The following YES1 variants were observed in gnomAD, a reference collection of about 807,000 sequenced individuals.
YES1 encodes tyrosine-protein kinase Yes.
Under a neutral mutation model 70.4 loss-of-function variants are expected in YES1, and 39 were observed. The observed-to-expected ratio is 0.55, with a 90% CI of 0.43 to 0.72. YES1 has a LOEUF of 0.72. Among genes scored for constraint, YES1 ranks in the 30% least tolerant of loss-of-function variants. The pLI is 0.00. For missense variants in YES1, 495 were observed against 644.8 expected (o/e 0.77, Z 2.52); for synonymous variants, 198 against 218.6 (o/e 0.91, Z 0.83).
At chr18:787,775 A>T (rs1487195592) in intron 1 of YES1, 2 of 152,216 alleles carry the variant, frequency 1.3e-5, no homozygotes. Flanking sequence ...GACCTGACCC[A>T]AATGATAAAT....
At chr18:733,227 G>A (rs1410655048) in intron 10 of YES1, among the ~76,000 whole-genome samples, 1 of 152,164 alleles carries the variant, frequency 6.6e-6, no homozygotes, top group African/African-American at 2.4e-5. Flanking sequence ...AGAAAATAGA[G>A]GTTGAAGCTC....
At chr18:732,718 G>T in intron 11 of YES1, 116 bp downstream of exon 11, 1 of 1,336,364 alleles carries the variant, frequency 7.5e-7, no homozygotes, top group Non-Finnish European at 1.1e-6. Context: ...GAGAGGGAGA[G>T]GCAGGGGGAC....
At position 741,804 on chromosome 18, in the gene YES1, AC is replaced by A. The variant is rs1480056347; in HGVS notation, c.1060+1113del. ...GAGTGAGGCCCCACCTCACAAAAAA[AC>A]AAAAACAACAAACAAACAAGCAAAC... On this transcript the variant is annotated intron_variant, in intron 8 of 11. Transcript: ENST00000314574. Among the ~76,000 whole-genome samples the A allele has an allele frequency of 1.1e-4, 17 of 152,302 alleles. 1 individual carries two copies. The highest frequency in any genetic ancestry group is 1.0e-3 in the South Asian group (5 of 4,822).
chr18:747,670 T>G, intron 4 of YES1, among the ~76,000 whole-genome samples: 1 of 152,108 alleles, frequency 6.6e-6, no homozygotes, highest in East Asian at 1.9e-4. Context: ...GATACATATT[T>G]AAGTGAAAAC....
chr18:794,963 G>A (rs567032364), intron 1 of YES1, among the ~76,000 whole-genome samples: 3 of 152,084 alleles, frequency 2.0e-5, no homozygotes, highest in South Asian at 2.1e-4. Context: ...CTACAGGCGC[G>A]TGCCACCATG....
intron 1 of YES1, among the ~76,000 whole-genome samples, chr18:769,436 T>C (rs1231084806): frequency 6.6e-6 from 1 of 152,206 alleles, no homozygotes; most frequent in Non-Finnish European, 1.5e-5. Flanking sequence ...CCTTATTCAC[T>C]GACTAGTACC....
At chr18:761,579 C>T (rs1904597208) in intron 1 of YES1, among the ~76,000 whole-genome samples, 1 of 152,182 alleles carries the variant, frequency 6.6e-6, no homozygotes, top group African/African-American at 2.4e-5. Context: ...CCTCTTCCCT[C>T]AAAAGTCACA....
chr18:787,680 A>G (rs1258275780), intron 1 of YES1, among the ~76,000 whole-genome samples: 1 of 152,002 alleles, frequency 6.6e-6, no homozygotes, highest in African/African-American at 2.4e-5. Context: ...ACTGCACTTC[A>G]GCCTGGGCAA....
chr18:748,217 C>A (rs1246414997), intron 3 of YES1, among the ~76,000 whole-genome samples, 199 bp from the exon 4 acceptor site: 3 of 152,192 alleles, frequency 2.0e-5, no homozygotes, highest in Non-Finnish European at 4.4e-5. Flanking sequence ...CAATTGCATA[C>A]TTCTGCTCCA....
intron 11 of YES1, among the ~76,000 whole-genome samples, chr18:727,288 T>A (rs2080032250): frequency 1.3e-5 from 2 of 152,184 alleles, no homozygotes; most frequent in Non-Finnish European, 2.9e-5. Context: ...CTAGGCTTTC[T>A]TCAGTTAGGA....
At chr18:777,697 C>T (rs1208316674) in intron 1 of YES1, among the ~76,000 whole-genome samples, 2 of 151,156 alleles carry the variant, frequency 1.3e-5, no homozygotes, top group Non-Finnish European at 2.9e-5. Context: ...ATCCCAGCTA[C>T]TTGGGAGGCT....
In YES1 at chr18:723,652, T is replaced by C. The variant is rs2079985196; in HGVS notation, c.*772A>G. On this transcript the variant is annotated 3_prime_UTR_variant, in exon 12 of 12. Transcript: ENST00000314574. ...ATTGGACAGTAGTTTCAATTATATA[T>C]TGCCTTAAAAAATCAATGCAACCTC... 6.6e-6 allele frequency: 1 copy of C among 152,648 alleles called. No homozygotes were observed. The highest frequency in any genetic ancestry group is 2.4e-5 in the African/African-American group (1 of 41,474). The allele number at this position is 152,648 out of a possible 1,614,324, so 9.5% of individuals were successfully genotyped here. A position where few individuals can be genotyped will look rare whatever the true frequency, so the allele number is the denominator to read the frequency against.
At position 743,387 on chromosome 18, in the gene YES1, C is replaced by T. The variant is rs897513561; in HGVS notation, c.753G>A (p.Leu251=). 1 of 1,612,810 alleles carries T rather than the reference C, an allele frequency of 6.2e-7. No individual in the cohort carries two copies. The highest frequency in any genetic ancestry group is 1.1e-5 in the South Asian group (1 of 90,988). ...GTTTCACAGTTGGACACACAGTTGT[C>T]AACTTGTGGCATAAACCATCAGCAT... ...TEHADGLCHK[L]TTVCPTVKPQ... The change falls in exon 7 of 12, where the codon TTG becomes TTA. Residue 251 remains leucine, a synonymous_variant. Coordinates refer to ENST00000314574, the MANE Select transcript of YES1 (RefSeq NM_005433.4).
intron 1 of YES1, among the ~76,000 whole-genome samples, chr18:765,228 G>A (rs1157678232): frequency 4.9e-5 from 6 of 122,414 alleles, no homozygotes; most frequent in Non-Finnish European, 1.0e-4. Flanking sequence ...ACACTGGACA[G>A]GTTTGGGAAA....
chr18:727,654 G>T (rs8090148), intron 11 of YES1, among the ~76,000 whole-genome samples: 88,081 of 151,972 alleles, frequency 0.58, 25,577 homozygotes, highest in East Asian at 0.71. Flanking sequence ...TTTATTGTAT[G>T]TTACTCAAAA....
At chr18:728,787 G>A (rs1253198550) in intron 11 of YES1, among the ~76,000 whole-genome samples, 1 of 152,218 alleles carries the variant, frequency 6.6e-6, no homozygotes, top group Non-Finnish European at 1.5e-5. Context: ...ACCTCCCAAA[G>A]TACTGGGATT....
At chr18:803,411 TAAAA>T (rs767829767) in intron 1 of YES1, among the ~76,000 whole-genome samples, 1 of 152,040 alleles carries the variant, frequency 6.6e-6, no homozygotes, top group African/African-American at 2.4e-5. Flanking sequence ...GGGTGGGAAA[TAAAA>T]AAAGCACAGA....
intron 3 of YES1, among the ~76,000 whole-genome samples, chr18:749,616 G>A (rs533464184): frequency 1.6e-4 from 25 of 152,262 alleles, no homozygotes; most frequent in African/African-American, 5.8e-4. Flanking sequence ...AGCACTTTGG[G>A]AGACCGAGGC....
At chr18:755,742 G>A (rs1295328652) in intron 2 of YES1, among the ~76,000 whole-genome samples, 1 of 152,168 alleles carries the variant, frequency 6.6e-6, no homozygotes, top group Admixed American at 6.5e-5. Context: ...GCAGAATAGA[G>A]ATAAAGAAAT....
Sources: gnomAD v4.1 joint callset for allele counts (sites outside exome capture counted in the v4.1 genomes callset) on GRCh38, gnomAD v4.1.1 for gene constraint, MANE v1.5 for transcripts, NCBI Gene and HGNC (gene_info 2026-07-23, HGNC 2026-07-21) for gene names.